The following RPH3A variants were observed in gnomAD, a reference collection of about 807,000 sequenced individuals.
RPH3A encodes the protein rabphilin-3A.
A neutral mutation model predicts 102.2 loss-of-function variants in RPH3A; 48 were observed. The ratio of observed to expected loss-of-function variants is 0.47; its 90% CI spans 0.37 to 0.60. The LOEUF is 0.60. Ranked by LOEUF, RPH3A falls within the 20% of genes least tolerant of loss-of-function variation. RPH3A has a pLI of 0.00. For missense variants in RPH3A, 781 were observed against 910.1 expected (o/e 0.86, Z 1.83); for synonymous variants, 310 against 324.3 (o/e 0.96, Z 0.47).
In RPH3A at chr12:112,897,455, GACA is replaced by G. The variant is rs759218127; in HGVS notation, c.*683_*685del. ...GCTTCCTAGCAAAACAAAAACAAACGACAACAACAAAAAACCCTTCCTCTGTCA... is the reference window on the plus strand; with the variant it reads ...GCTTCCTAGCAAAACAAAAACAAACGACAACAAAAAACCCTTCCTCTGTCA... On this transcript the variant is annotated 3_prime_UTR_variant, in exon 22 of 22. Transcript: ENST00000389385. The G allele has an allele frequency of 1.3e-5, 2 of 152,302 alleles. No homozygotes were observed. The highest frequency in any genetic ancestry group is 2.9e-5 in the Non-Finnish European group (2 of 68,202). 9.4% of individuals were successfully genotyped at this position (152,302 alleles called of 1,614,324 possible).
chr12:112,756,545 A>G (rs1170803202), intron 1 of RPH3A, among the ~76,000 whole-genome samples: 1 of 152,178 alleles, frequency 6.6e-6, no homozygotes, highest in Non-Finnish European at 1.5e-5. Context: ...GCAAGCTAAA[A>G]TATCACACTC....
chr12:112,862,925 G>A (rs1445254773), intron 5 of RPH3A, among the ~76,000 whole-genome samples: 1 of 151,822 alleles, frequency 6.6e-6, no homozygotes, highest in Non-Finnish European at 1.5e-5. Flanking sequence ...CCCTCCCATC[G>A]GCTCTCCCCT....
At chr12:112,695,350 T>C (rs2040342372) in intron 1 of RPH3A, among the ~76,000 whole-genome samples, 1 of 152,176 alleles carries the variant, frequency 6.6e-6, no homozygotes, top group Non-Finnish European at 1.5e-5. Flanking sequence ...GTTAACAGTT[T>C]TGAAGGAGGA....
chr12:112,792,693 A>T (rs76273986), intron 2 of RPH3A, among the ~76,000 whole-genome samples: 3,231 of 152,178 alleles, frequency 0.021, 125 homozygotes, highest in African/African-American at 0.074. Flanking sequence ...CTGAGACTGG[A>T]AGGGTAACTT....
chr12:112,609,087 A>G (rs183517669), intron 1 of RPH3A, among the ~76,000 whole-genome samples: 3 of 152,338 alleles, frequency 2.0e-5, no homozygotes, highest in East Asian at 1.9e-4. Flanking sequence ...CGTGAGCACC[A>G]TCTTCCCCAA....
chr12:112,723,934 T>C (rs553265431), intron 1 of RPH3A, among the ~76,000 whole-genome samples: 1 of 152,232 alleles, frequency 6.6e-6, no homozygotes, highest in Non-Finnish European at 1.5e-5. Context: ...TTTTAGTAAG[T>C]TCTAAATTTG....
At chr12:112,717,783 CAT>C (rs1754494766) in intron 1 of RPH3A, among the ~76,000 whole-genome samples, 2 of 148,884 alleles carry the variant, frequency 1.3e-5, no homozygotes, top group African/African-American at 5.0e-5. Context: ...GCATGGTAAA[CAT>C]ATGTTTAACT....
intron 1 of RPH3A, among the ~76,000 whole-genome samples, chr12:112,779,639 G>A (rs1280374938): frequency 5.9e-5 from 9 of 152,188 alleles, no homozygotes; most frequent in African/African-American, 1.7e-4. Context: ...TATCCAAGGC[G>A]GCTTTGCTAG....
intron 8 of RPH3A, 54 bp downstream of exon 8, chr12:112,868,649 G>C (rs2042653837): frequency 5.7e-6 from 9 of 1,567,284 alleles, no homozygotes; most frequent in Admixed American, 1.8e-5. Context: ...TAGCCAACTG[G>C]TCTACCTGAG....
At chr12:112,628,205 A>G (rs544787872) in intron 1 of RPH3A, among the ~76,000 whole-genome samples, 2 of 152,170 alleles carry the variant, frequency 1.3e-5, no homozygotes, top group Admixed American at 6.5e-5. Flanking sequence ...AGAGATCAGG[A>G]GAAAGTTCGA....
At position 112,877,419 on chromosome 12, in the gene RPH3A, T is replaced by TACACAC. The variant is rs3038114; in HGVS notation, c.1171+588_1171+593dup. ...ACACACGTATACACACACACACGTATACACACACACACACACACACACACA... is the reference window on the plus strand; with the variant it reads ...ACACACGTATACACACACACACGTATACACACACACACACACACACACACACACACA... On this transcript the variant is annotated intron_variant, in intron 13 of 21. Coordinates refer to ENST00000389385, the MANE Select transcript of RPH3A (RefSeq NM_001143854.2). Among the ~76,000 whole-genome samples the TACACAC allele has an allele frequency of 9.3e-3, 1,324 of 141,648 alleles. 14 individuals are homozygous for TACACAC. The highest frequency in any genetic ancestry group is 0.028 in the African/African-American group (1,065 of 37,612). The allele number at this position is 141,648 out of a possible 152,430, so 92.9% of individuals were successfully genotyped here.
intron 1 of RPH3A, among the ~76,000 whole-genome samples, chr12:112,661,143 C>T (rs554163934): frequency 5.3e-5 from 8 of 152,234 alleles, no homozygotes; most frequent in East Asian, 1.9e-4. Context: ...GATACACTCT[C>T]GGGTCCCTGA....
intron 1 of RPH3A, among the ~76,000 whole-genome samples, chr12:112,750,309 C>T (rs1160542189): frequency 6.6e-6 from 1 of 152,072 alleles, no homozygotes; most frequent in Non-Finnish European, 1.5e-5. Context: ...AATGTGGTCC[C>T]AGGAAACACT....
intron 1 of RPH3A, among the ~76,000 whole-genome samples, chr12:112,704,830 T>C (rs2040417826): frequency 6.6e-6 from 1 of 152,154 alleles, no homozygotes. Context: ...TTGGGCATAG[T>C]GGAGATTTAA....
At chr12:112,889,456 C>G (rs182186311) in intron 17 of RPH3A, among the ~76,000 whole-genome samples, 3 of 152,358 alleles carry the variant, frequency 2.0e-5, no homozygotes, top group Admixed American at 2.0e-4. Context: ...GCCATTAAAC[C>G]TTAACCCTTG....
At chr12:112,678,131 AG>A (rs2040194372) in intron 1 of RPH3A, among the ~76,000 whole-genome samples, 1 of 151,840 alleles carries the variant, frequency 6.6e-6, no homozygotes, top group Admixed American at 6.6e-5. Context: ...TGGAAGGCGG[AG>A]GTTGCAGTGA....
In RPH3A at chr12:112,869,903, A is replaced by G. The variant is rs1226318195; in HGVS notation, c.660A>G (p.Pro220=). 1 of 1,614,074 alleles carries G rather than the reference A, an allele frequency of 6.2e-7. No homozygotes were observed. The highest frequency in any genetic ancestry group is 8.5e-7 in the Non-Finnish European group (1 of 1,179,994). Residue 220 remains proline (P), a synonymous_variant, in exon 10 of 22, where the codon CCA becomes CCG. Transcript: ENST00000389385. ...RGPGQKTGPD[P]ASAPGRGNYG... is the part of the protein sequence containing the mutation. ...TGCTCTTCTTTCCAGGCCCTGACCC[A>G]GCCTCTGCTCCCGGGCGAGGAAACT...
chr12:112,777,870 G>T (rs186815134), intron 1 of RPH3A, among the ~76,000 whole-genome samples: 25 of 152,300 alleles, frequency 1.6e-4, no homozygotes, highest in Non-Finnish European at 2.4e-4. Flanking sequence ...GTAGTGCTGG[G>T]CCTTGGCTTT....
At chr12:112,882,944 T>C (rs2042939851) in intron 15 of RPH3A, among the ~76,000 whole-genome samples, 1 of 152,178 alleles carries the variant, frequency 6.6e-6, no homozygotes, top group Non-Finnish European at 1.5e-5. Context: ...ACCATCCCAA[T>C]ATCCCCTGCC....
Sources: allele counts gnomAD v4.1 joint callset (sites outside exome capture counted in the v4.1 genomes callset), GRCh38; gene constraint gnomAD v4.1.1; transcripts MANE v1.5; gene names NCBI Gene and HGNC (gene_info 2026-07-23, HGNC 2026-07-21).